Variants in FTCD observed in about 807,000 individuals in gnomAD.
FTCD encodes the protein formimidoyltransferase cyclodeaminase.
In FTCD, 76 loss-of-function variants were observed where a neutral mutation model predicts 62.9. That is an observed-to-expected ratio of 1.21 (90% CI 1.00 to 1.46). The LOEUF (loss-of-function observed/expected upper bound fraction) is 1.46, where lower values mean the gene tolerates loss of function less well. FTCD is among the 40% of genes most tolerant of loss of function. FTCD has a pLI of 0.00. For synonymous variants in FTCD, 397 were observed against 336.9 expected (o/e 1.18, Z -1.95); for missense variants, 845 against 751.3 (o/e 1.12, Z -1.46).
intron 3 of FTCD, chr21:46,152,200 C>T (rs2079306694): frequency 7.6e-6 from 4 of 527,866 alleles, no homozygotes; most frequent in East Asian, 3.0e-5. Flanking sequence ...CCTCAGAGGG[C>T]CCTGAAAAGG....
Position 46,136,931 on chromosome 21 carries a change from C to T in FTCD, c.*56G>A. The T allele has an allele frequency of 6.2e-7, 1 of 1,611,446 alleles. No individual in the cohort carries two copies. The highest frequency in any genetic ancestry group is 8.5e-7 in the Non-Finnish European group (1 of 1,179,370). On this transcript the variant is annotated 3_prime_UTR_variant, in exon 14 of 14. Transcript: ENST00000397746. ...TGTCCCCACCGAGGTCACAGCTCTG[C>T]CCTCTGGGGATGGGCGAGGGAGGGG...
At chr21:46,139,115 G>A (rs560378762) in intron 10 of FTCD, 192 bp from the exon 11 acceptor site, 6 of 624,502 alleles carry the variant, frequency 9.6e-6, no homozygotes, top group South Asian at 7.3e-5. Context: ...GGTAGGGGGG[G>A]TCGGGGCACA....
intron 3 of FTCD, chr21:46,152,695 T>C (rs2079321412): frequency 5.9e-6 from 3 of 511,070 alleles, no homozygotes; most frequent in Non-Finnish European, 1.0e-5. Flanking sequence ...TGCTCTGCGG[T>C]GTAGTCTGAG....
At chr21:46,142,157 T>G (rs1028264337) in intron 10 of FTCD, 1 of 152,316 alleles carries the variant, frequency 6.6e-6, no homozygotes, top group African/African-American at 2.4e-5. Context: ...TACACCTCCC[T>G]GCAAACAGTG....
intron 7 of FTCD, among the ~76,000 whole-genome samples, chr21:46,147,187 C>G (rs1429837186): frequency 6.6e-6 from 1 of 152,164 alleles, no homozygotes; most frequent in Non-Finnish European, 1.5e-5. Context: ...GACTGGAGAC[C>G]CCTGGAAGGT....
intron 10 of FTCD, among the ~76,000 whole-genome samples, chr21:46,140,880 T>TCCCCGTCCACCTTCACGTG (rs2078988264): frequency 7.4e-6 from 1 of 135,204 alleles, no homozygotes; most frequent in African/African-American, 3.0e-5. Context: ...GCCTTCACAT[T>TCCCCGTCCACCTTCACGTG]GCTCACAGGG....
intron 5 of FTCD, among the ~76,000 whole-genome samples, chr21:46,151,336 C>T (rs539238319): frequency 1.3e-5 from 2 of 152,360 alleles, no homozygotes; most frequent in South Asian, 4.1e-4. Flanking sequence ...TGGAAAATCC[C>T]CAGGAGGCCA....
In FTCD at chr21:46,150,454, G is replaced by A; in HGVS notation, c.708C>T (p.Thr236=). The part of the protein sequence containing the change: ...LDEKNLAQVS[T]NLLDFEVTAL... Reference sequence around the variant, plus strand: ...CCGTGACCTCAAAGTCCAGAAGATTGGTGGACACCTGAGCCAGGTTCTTCT... The same window carrying A: ...CCGTGACCTCAAAGTCCAGAAGATTAGTGGACACCTGAGCCAGGTTCTTCT... Residue 236 remains threonine (T), a synonymous_variant, in exon 6 of 14, where the codon ACC becomes ACT. Coordinates refer to ENST00000397746, the MANE Select transcript of FTCD (RefSeq NM_206965.2). The A allele has an allele frequency of 6.2e-7, 1 of 1,612,448 alleles. No individual in the cohort carries two copies. Among genetic ancestry groups the A allele is most frequent in the Non-Finnish European group, 8.5e-7 (1 of 1,179,152 alleles).
rs1406441851 is a variant in FTCD at position 46,145,904 on chromosome 21, T to TG, written c.1011dup (p.Lys338GlnfsTer94). 2.0e-6 allele frequency: 3 copies of TG among 1,494,542 alleles called. No individual in the cohort carries two copies. In the African/African-American group the frequency reaches 4.5e-5, roughly 22 times the overall value. The allele number at this position is 1,494,542 out of a possible 1,614,324, so 92.6% of individuals were successfully genotyped here. Reference sequence around the variant, plus strand: ...TCCCCCACGAAGGCGCGCAGGGACTTGCTGCCCAGGCCTCGCTCAGGCCCG... The same window carrying TG: ...TCCCCCACGAAGGCGCGCAGGGACTTGGCTGCCCAGGCCTCGCTCAGGCCCG... On this transcript the variant is annotated frameshift_variant, in exon 9 of 14. Transcript: ENST00000397746. LOFTEE classifies it high-confidence loss of function.
In FTCD at chr21:46,138,545, G is replaced by A; in HGVS notation, c.1406C>T (p.Ala469Val). 6.3e-7 allele frequency: 1 copy of A among 1,586,552 alleles called. No individual in the cohort carries two copies. Among genetic ancestry groups the A allele is most frequent in the Middle Eastern group, 1.9e-4 (1 of 5,210 alleles). ...CCGGCAGGCCAGGTTCCCACACCGG[G>A]CCAGTTCCTGCAGGGCCGGCCACAG... is the stretch of plus-strand genomic sequence containing the variant. The part of the protein sequence containing the change: ...ASLWPALQEL[A>V]RCGNLACRSD... Residue 469 changes from alanine to valine, a missense_variant, in exon 12 of 14, where the codon GCC becomes GTC. By Grantham distance (64) the Ala-to-Val change is moderately conservative. Transcript: ENST00000397746.
At chr21:46,140,424 C>T (rs538492658) in intron 10 of FTCD, among the ~76,000 whole-genome samples, 31 of 146,956 alleles carry the variant, frequency 2.1e-4, no homozygotes, top group African/African-American at 7.9e-4. Flanking sequence ...CGTCCACCTT[C>T]GCGTGGCTCA....
Position 46,145,454 on chromosome 21 carries a change from A to G in FTCD, c.1223T>C (p.Leu408Pro). ...GAAGGCCTCGGCGTCGGCATCCACC[A>G]GCGTGGTTAGCTTGGCCGAAGCCTC... ...FREASAKLTT[L>P]VDADAEAFTA... is the part of the protein sequence containing the mutation. Residue 408 changes from leucine (L) to proline (P), a missense_variant, in exon 10 of 14, where the codon CTG (leucine) becomes CCG (proline). By Grantham distance (98) the Leu-to-Pro change is moderately conservative. Transcript: ENST00000397746. 1.3e-6 allele frequency: 2 copies of G among 1,559,992 alleles called. No individual in the cohort carries two copies. Among genetic ancestry groups the G allele is most frequent in the South Asian group, 1.2e-5 (1 of 84,678 alleles).
rs757674235 is a variant in FTCD, at chr21:46,137,353, G to A, written c.1444-19C>T. ...CCGCCACCTGCAAGGACCCCAGGGA[G>A]CCCCTACATGGATCAAGGCTGAGCA... is the stretch of plus-strand genomic sequence containing the variant. On this transcript the variant is annotated intron_variant, in intron 12 of 13. Coordinates refer to ENST00000397746, the MANE Select transcript of FTCD (RefSeq NM_206965.2). 6.3e-7 allele frequency: 1 copy of A among 1,581,192 alleles called. No individual in the cohort carries two copies. Among genetic ancestry groups the A allele is most frequent in the Non-Finnish European group, 8.7e-7 (1 of 1,151,446 alleles).
chr21:46,138,945 A>G, intron 10 of FTCD, 22 bp from the exon 11 acceptor site: 1 of 1,603,424 alleles, frequency 6.2e-7, no homozygotes, highest in Non-Finnish European at 8.5e-7. Flanking sequence ...AGACAGAACC[A>G]CTGGGCGAGG....
In FTCD at chr21:46,137,051, A is replaced by G. The variant is rs1208644920; in HGVS notation, c.1562T>C (p.Leu521Pro). 6.2e-7 allele frequency: 1 copy of G among 1,613,754 alleles called. No homozygotes were observed. Residue 521 changes from leucine to proline, a missense_variant, in exon 14 of 14, where the codon CTC becomes CCC. Transcript: ENST00000397746. ...KDQIHHRVSS[L>P]LQEAKTQAAL... ...AGCCTGGGTCTTGGCTTCCTGCAGG[A>G]GGCTGGAAACACGATGGTGGATCTG...
chr21:46,151,645 A>C lies in FTCD; in HGVS notation c.549T>G (p.Ile183Met). The C allele has an allele frequency of 6.2e-7, 1 of 1,613,080 alleles. No individual in the cohort carries two copies. The highest frequency in any genetic ancestry group is 1.1e-5 in the South Asian group (1 of 91,092). The change falls in exon 5 of 14, where the codon ATT (isoleucine) becomes ATG (methionine). Residue 183 changes from isoleucine (I) to methionine (M), a missense_variant. By Grantham distance (10) the Ile-to-Met change is conservative. Transcript: ENST00000397746. ...TGCCGAGCAGGTTGATGTTAAAAGC[A>C]ATGAGGAACTTCCTCGCCCCCGTGG... ...ATATGARKFL[I>M]AFNINLLGTK...
intron 10 of FTCD, chr21:46,142,707 G>C (rs939484503): frequency 6.6e-6 from 1 of 152,276 alleles, no homozygotes; most frequent in East Asian, 1.9e-4. Flanking sequence ...GCCACGGTTG[G>C]CGCTTGCTGG....
intron 1 of FTCD, among the ~76,000 whole-genome samples, chr21:46,155,005 C>T (rs1215014409): frequency 6.6e-6 from 1 of 152,200 alleles, no homozygotes; most frequent in Non-Finnish European, 1.5e-5. Context: ...TCTGTGCCTA[C>T]TTCGTTTTGG....
chr21:46,153,176 A>T (rs9976772), intron 2 of FTCD, 141 bp from the exon 3 acceptor site: 2 of 864,622 alleles, frequency 2.3e-6, no homozygotes, highest in Middle Eastern at 3.6e-4. Context: ...ACTGACCCAC[A>T]GGGAGGAGGC....
Sources: allele counts gnomAD v4.1 joint callset (sites outside exome capture counted in the v4.1 genomes callset), GRCh38; gene constraint gnomAD v4.1.1; transcripts MANE v1.5; gene names NCBI Gene and HGNC (gene_info 2026-07-23, HGNC 2026-07-21).